PTPN3: variants seen among roughly 807,000 people sequenced by gnomAD.
PTPN3 encodes protein tyrosine phosphatase non-receptor type 3.
In PTPN3, 96 loss-of-function variants were observed where a neutral mutation model predicts 132.7. The ratio of observed to expected loss-of-function variants is 0.72; its 90% CI spans 0.61 to 0.86. The LOEUF (loss-of-function observed/expected upper bound fraction) is 0.86, where lower values mean the gene tolerates loss of function less well. Ranked by LOEUF, PTPN3 falls within the 40% of genes least tolerant of loss-of-function variation. PTPN3 has a pLI of 0.00. For synonymous variants in PTPN3, 398 were observed against 429.0 expected (o/e 0.93, Z 0.89); for missense variants, 1,125 against 1,159.6 (o/e 0.97, Z 0.43).
rs531177021 is a variant in PTPN3 at position 109,474,166 on chromosome 9, G to C, written c.-17-10715C>G. Among the ~76,000 whole-genome samples the C allele has an allele frequency of 2.0e-5, 3 of 152,144 alleles. No individual in the cohort carries two copies. In the South Asian group the frequency reaches 6.2e-4, roughly 32 times the overall value. ...GAGCCAGCAAACCTGCCTCCTGGGA[G>C]AAAAATAGGGCAAATGCCAGCCCAT... On this transcript the variant is annotated intron_variant, in intron 1 of 25. Transcript: ENST00000374541.
intron 1 of PTPN3, among the ~76,000 whole-genome samples, chr9:109,485,207 T>C (rs554578329): frequency 3.2e-4 from 48 of 149,726 alleles, no homozygotes; most frequent in African/African-American, 1.1e-3. Flanking sequence ...GACTCTGTCT[T>C]AAAAAAAAAT....
chr9:109,411,314 C>T (rs559542672), intron 14 of PTPN3, among the ~76,000 whole-genome samples: 6 of 152,292 alleles, frequency 3.9e-5, no homozygotes, highest in African/African-American at 7.2e-5. Context: ...GGCTTTCCCC[C>T]GGCTTAGCAG....
At chr9:109,531,637 G>A in the PTPN3 span, among the ~76,000 whole-genome samples, 3 of 152,134 alleles carry the variant, frequency 2.0e-5, no homozygotes, top group African/African-American at 7.2e-5. Context: ...ATGAGATAAT[G>A]TATGGTCAGG....
In PTPN3 at chr9:109,410,315, C is replaced by T. The variant is rs750357031; in HGVS notation, c.1414G>A (p.Gly472Ser). ...TCATCTAAGAGCTGCTGATCAACGCCGTCAGGTGAGCAGGAGCCTGGAGCA... is the reference window on the plus strand; with the variant it reads ...TCATCTAAGAGCTGCTGATCAACGCTGTCAGGTGAGCAGGAGCCTGGAGCA... ...SNAPGSCSPD[G>S]VDQQLLDDFH... The change falls in exon 15 of 26, where the codon GGC (glycine) becomes AGC (serine). Residue 472 changes from glycine to serine, a missense_variant. By Grantham distance (56) the Gly-to-Ser change is moderately conservative. Coordinates refer to ENST00000374541, the MANE Select transcript of PTPN3 (RefSeq NM_002829.4). 1.4e-5 allele frequency: 23 copies of T among 1,613,988 alleles called. No homozygotes were observed. The highest frequency in any genetic ancestry group is 3.3e-5 in the South Asian group (3 of 91,074).
chr9:109,395,834 A>AT (rs1253609021), intron 19 of PTPN3, among the ~76,000 whole-genome samples: 6 of 136,730 alleles, frequency 4.4e-5, no homozygotes, highest in African/African-American at 1.6e-4. Flanking sequence ...ATATATGTAT[A>AT]TATTTTTTTT....
chr9:109,463,575 A>T (rs1845953871), intron 1 of PTPN3, 124 bp from the exon 2 acceptor site: 1 of 785,602 alleles, frequency 1.3e-6, no homozygotes, highest in South Asian at 2.5e-5. Flanking sequence ...AATGAGAACT[A>T]CATAGCAGAT....
intron 4 of PTPN3, among the ~76,000 whole-genome samples, chr9:109,456,130 G>T (rs1564459435): frequency 6.6e-6 from 1 of 152,214 alleles, no homozygotes; most frequent in African/African-American, 2.4e-5. Context: ...ACTTCTTCCT[G>T]CCTGGGTGCT....
chr9:109,477,041 C>T (rs1018033590), intron 1 of PTPN3, among the ~76,000 whole-genome samples: 1 of 152,144 alleles, frequency 6.6e-6, no homozygotes. Flanking sequence ...CTCAGAACCA[C>T]GCACAGGTCA....
chr9:109,427,106 T>C lies in PTPN3; in HGVS notation c.845A>G (p.His282Arg), dbSNP rs569015635. ...ATTCAGCATGTTGAAGGCCACAATA[T>C]GTTCCCTGGATTCAGCCTGGGAGGA... ...QRQKQAESREHIVAFNMLNYR... is the reference protein window; with the variant it reads ...QRQKQAESRERIVAFNMLNYR... Residue 282 changes from histidine (H) to arginine (R), a missense_variant, in exon 12 of 26, where the codon CAT (histidine) becomes CGT (arginine). By Grantham distance (29) the His-to-Arg change is conservative. Coordinates refer to ENST00000374541, the MANE Select transcript of PTPN3 (RefSeq NM_002829.4). 4 of 1,614,126 alleles carry C rather than the reference T, an allele frequency of 2.5e-6. No individual in the cohort carries two copies. The highest frequency in any genetic ancestry group is 3.3e-5 in the Admixed American group (2 of 60,018).
chr9:109,408,871 A>ATATG (rs1564404551), intron 16 of PTPN3, among the ~76,000 whole-genome samples: 1 of 145,774 alleles, frequency 6.9e-6, no homozygotes, highest in Admixed American at 6.9e-5. Flanking sequence ...GGCTTTATAT[A>ATATG]TATATATATA....
chr9:109,384,316 A>G (rs971006636), intron 22 of PTPN3, among the ~76,000 whole-genome samples: 4 of 152,224 alleles, frequency 2.6e-5, no homozygotes, highest in African/African-American at 9.6e-5. Flanking sequence ...TCACTGGAGC[A>G]GCGTCTCTGA....
intron 16 of PTPN3, among the ~76,000 whole-genome samples, chr9:109,408,794 A>AT (rs373957307): frequency 0.16 from 13,579 of 86,936 alleles, 908 homozygotes; most frequent in South Asian, 0.24. Flanking sequence ...AAAAAAAAAA[A>AT]AAATATATAT....
At chr9:109,430,483 T>C (rs1843578571) in intron 10 of PTPN3, among the ~76,000 whole-genome samples, 1 of 152,128 alleles carries the variant, frequency 6.6e-6, no homozygotes, top group Non-Finnish European at 1.5e-5. Context: ...ACATGAACTC[T>C]TGTCGTTTCC....
the PTPN3 span, among the ~76,000 whole-genome samples, chr9:109,524,400 T>TA: frequency 2.5e-5 from 1 of 39,266 alleles, no homozygotes; most frequent in Non-Finnish European, 4.7e-5. Context: ...CTGGAGCCTC[T>TA]GAAGTTCAGA....
chr9:109,406,639 A>C, intron 17 of PTPN3, 21 bp from the exon 18 acceptor site: 1 of 1,613,084 alleles, frequency 6.2e-7, no homozygotes, highest in Non-Finnish European at 8.5e-7. Flanking sequence ...GGGAAAAGCG[A>C]GTTTCTCCTG....
rs146893001 is a variant in PTPN3, at chr9:109,419,337, T to C, written c.1313+1087A>G. Reference sequence around the variant, plus strand: ...TGGAGTCCAATCAGGGTGCATTTGATGCTTTCAGCCTAATAGCTACAGTGG... The same window carrying C: ...TGGAGTCCAATCAGGGTGCATTTGACGCTTTCAGCCTAATAGCTACAGTGG... On this transcript the variant is annotated intron_variant, in intron 14 of 25. Transcript: ENST00000374541. Among the ~76,000 whole-genome samples the C allele has an allele frequency of 3.9e-3, 588 of 152,362 alleles. 11 individuals carry two copies. Among genetic ancestry groups the C allele is most frequent in the Middle Eastern group, 0.017 (5 of 294 alleles).
At chr9:109,430,787 C>A (rs1346765907) in intron 10 of PTPN3, among the ~76,000 whole-genome samples, 2 of 152,218 alleles carry the variant, frequency 1.3e-5, no homozygotes, top group African/African-American at 2.4e-5. Flanking sequence ...GCCCGTGAAG[C>A]CCTCCATGAC....
At position 109,410,227 on chromosome 9, in the gene PTPN3, A is replaced by G. The variant is rs1410250337; in HGVS notation, c.1500+2T>C. On this transcript the variant is annotated splice_donor_variant, in intron 15 of 25. Coordinates refer to ENST00000374541, the MANE Select transcript of PTPN3 (RefSeq NM_002829.4). LOFTEE classifies it high-confidence loss of function. ...ATCACCCGGCTGCCTGCGCTCGCTC[A>G]CCTTGTCACAGTAGTACTGGCTGGC... 1 of 1,612,578 alleles carries G rather than the reference A, an allele frequency of 6.2e-7. No homozygotes were observed. Among genetic ancestry groups the G allele is most frequent in the Non-Finnish European group, 8.5e-7 (1 of 1,178,942 alleles).
chr9:109,444,770 T>A (rs868162520), intron 7 of PTPN3, among the ~76,000 whole-genome samples: 9 of 152,294 alleles, frequency 5.9e-5, no homozygotes, highest in Middle Eastern at 3.4e-3. Context: ...TGAAAAGAAA[T>A]TCCTAAGATC....
Sources: allele counts gnomAD v4.1 joint callset (sites outside exome capture counted in the v4.1 genomes callset), GRCh38; gene constraint gnomAD v4.1.1; transcripts MANE v1.5; gene names NCBI Gene and HGNC (gene_info 2026-07-23, HGNC 2026-07-21).